Variants in ABTB3 observed in about 807,000 individuals in gnomAD.
ABTB3 encodes ankyrin repeat and BTB domain containing 3, also known as ankyrin repeat- and BTB/POZ domain-containing protein 3.
chr12:107,390,375 G>A, the ABTB3 span, among the ~76,000 whole-genome samples: 1 of 152,210 alleles, frequency 6.6e-6, no homozygotes, highest in Non-Finnish European at 1.5e-5. Flanking sequence ...GTGAGTGAGG[G>A]AGCCTGGATT....
chr12:107,351,439 G>A, the ABTB3 span, among the ~76,000 whole-genome samples: 1 of 152,170 alleles, frequency 6.6e-6, no homozygotes, highest in Non-Finnish European at 1.5e-5. Context: ...GCGGATGGAG[G>A]AATGGCCTGG....
At chr12:107,651,362 T>G in the ABTB3 span, among the ~76,000 whole-genome samples, 34,083 of 152,098 alleles carry the variant, frequency 0.22, 3,977 homozygotes, top group South Asian at 0.28. Flanking sequence ...TTGCTGATAA[T>G]ACCCTGATTT....
the ABTB3 span, among the ~76,000 whole-genome samples, chr12:107,609,566 C>T: frequency 6.6e-6 from 1 of 152,202 alleles, no homozygotes; most frequent in Non-Finnish European, 1.5e-5. Flanking sequence ...TCATTCAGCT[C>T]CCATTAACCT....
the ABTB3 span, among the ~76,000 whole-genome samples, chr12:107,594,376 C>T: frequency 6.6e-6 from 1 of 152,148 alleles, no homozygotes; most frequent in South Asian, 2.1e-4. Context: ...GACTTAGAAT[C>T]ACTTGTTTTA....
chr12:107,422,061 GA>G, the ABTB3 span, among the ~76,000 whole-genome samples: 1 of 152,138 alleles, frequency 6.6e-6, no homozygotes. Flanking sequence ...ATAGAGAAAA[GA>G]AAGGCTGGGA....
chr12:107,544,730 G>A, the ABTB3 span, among the ~76,000 whole-genome samples: 636 of 152,272 alleles, frequency 4.2e-3, 8 homozygotes, highest in African/African-American at 0.014. Flanking sequence ...AGTGTCTCAC[G>A]AATCAGGTCC....
chr12:107,538,902 G>A, the ABTB3 span, among the ~76,000 whole-genome samples: 5 of 152,208 alleles, frequency 3.3e-5, no homozygotes, highest in South Asian at 2.1e-4. Context: ...CAGACTCTTC[G>A]TCAGACTTTT....
chr12:107,631,278 A>G, the ABTB3 span, among the ~76,000 whole-genome samples: 2 of 152,168 alleles, frequency 1.3e-5, no homozygotes, highest in Non-Finnish European at 2.9e-5. Context: ...AAAGGACATG[A>G]TTTCATTCAT....
At chr12:107,466,365 G>C in the ABTB3 span, among the ~76,000 whole-genome samples, 5 of 152,122 alleles carry the variant, frequency 3.3e-5, no homozygotes, top group Non-Finnish European at 7.4e-5. Context: ...TGAGGTAGGG[G>C]ACCAGGCTGT....
chr12:107,418,154 A>T, the ABTB3 span, among the ~76,000 whole-genome samples: 6 of 152,222 alleles, frequency 3.9e-5, no homozygotes, highest in Non-Finnish European at 8.8e-5. Context: ...AATCTGGGTG[A>T]GCACCATCTA....
the ABTB3 span, among the ~76,000 whole-genome samples, chr12:107,465,771 T>C: frequency 6.6e-6 from 1 of 152,120 alleles, no homozygotes; most frequent in East Asian, 1.9e-4. Context: ...CCTTTACACA[T>C]TTCCAGGCCT....
the ABTB3 span, among the ~76,000 whole-genome samples, chr12:107,386,769 C>CT: frequency 6.6e-6 from 1 of 152,040 alleles, no homozygotes; most frequent in East Asian, 1.9e-4. Context: ...TGTGTTACAT[C>CT]TTTTTCCTGC....
At chr12:107,495,858 A>G in the ABTB3 span, among the ~76,000 whole-genome samples, 2 of 152,204 alleles carry the variant, frequency 1.3e-5, no homozygotes, top group Non-Finnish European at 2.9e-5. Flanking sequence ...TAACTACCCC[A>G]TAGGGTCATA....
the ABTB3 span, among the ~76,000 whole-genome samples, chr12:107,580,287 A>C: frequency 5.9e-5 from 9 of 152,358 alleles, no homozygotes; most frequent in Admixed American, 4.6e-4. Context: ...TATTTTTTCC[A>C]AAATCTTCTC....
chr12:107,544,265 C>T, the ABTB3 span: 27 of 1,012,024 alleles, frequency 2.7e-5, no homozygotes, highest in African/African-American at 2.1e-4. Flanking sequence ...AGAGTGGTCC[C>T]GGTGGGAACC....
At chr12:107,415,878 C>T in the ABTB3 span, among the ~76,000 whole-genome samples, 1,048 of 152,088 alleles carry the variant, frequency 6.9e-3, 19 homozygotes, top group African/African-American at 0.023. Flanking sequence ...CATGCTGCCT[C>T]GTTCTTCAGG....
chr12:107,552,377 A>T, the ABTB3 span, among the ~76,000 whole-genome samples: 1 of 152,238 alleles, frequency 6.6e-6, no homozygotes, highest in Non-Finnish European at 1.5e-5. Flanking sequence ...AAGTCCAAAA[A>T]ATCTAAAGAA....
chr12:107,657,567 T>TGGTC, the ABTB3 span: 1 of 1,614,212 alleles, frequency 6.2e-7, no homozygotes, highest in Non-Finnish European at 8.5e-7. Flanking sequence ...AAAAACATGA[T>TGGTC]GGTCCTCATT....
At chr12:107,455,824 T>C in the ABTB3 span, among the ~76,000 whole-genome samples, 4 of 152,178 alleles carry the variant, frequency 2.6e-5, no homozygotes, top group African/African-American at 9.7e-5. Flanking sequence ...TTTCCTCCAC[T>C]GTCTCTAATC....
Sources: gnomAD v4.1 joint callset for allele counts (sites outside exome capture counted in the v4.1 genomes callset) on GRCh38, gnomAD v4.1.1 for gene constraint, MANE v1.5 for transcripts, NCBI Gene and HGNC (gene_info 2026-07-23, HGNC 2026-07-21) for gene names.